Variants in AKR1E2 observed in about 807,000 individuals in gnomAD.
AKR1E2 encodes aldo-keto reductase family 1 member E2, also known as 1,5-anhydro-D-fructose reductase.
In AKR1E2, 43 loss-of-function variants were observed where a neutral mutation model predicts 41.9. The observed-to-expected ratio is 1.03, with a 90% CI of 0.80 to 1.32. The LOEUF (loss-of-function observed/expected upper bound fraction) is 1.32. Among genes scored for constraint, AKR1E2 ranks in the 40% most tolerant of loss-of-function variants. The pLI is 0.00. For missense variants in AKR1E2, 423 were observed against 396.5 expected, an observed-to-expected ratio of 1.07 and a Z score of -0.57; for synonymous variants, 121 against 138.9, an observed-to-expected ratio of 0.87 and a Z score of 0.91.
At chr10:4,846,925 C>T (rs1834378253) in intron 8 of AKR1E2, among the ~76,000 whole-genome samples, 1 of 152,144 alleles carries the variant, frequency 6.6e-6, no homozygotes. Flanking sequence ...CCAAGGCTTC[C>T]TAAATGTAGC....
intron 6 of AKR1E2, among the ~76,000 whole-genome samples, chr10:4,840,613 C>T (rs1833801727): frequency 6.6e-6 from 1 of 152,230 alleles, no homozygotes; most frequent in Non-Finnish European, 1.5e-5. Flanking sequence ...CATTCCTTCC[C>T]ATCCCTGTGA....
the AKR1E2 span, among the ~76,000 whole-genome samples, chr10:4,857,524 A>T: frequency 1.3e-5 from 2 of 152,160 alleles, no homozygotes; most frequent in Non-Finnish European, 2.9e-5. Context: ...AGATGCCAGC[A>T]TCATGCTTTC....
In AKR1E2 at chr10:4,845,313, G is replaced by A. The variant is rs557501864; in HGVS notation, c.838-1835G>A. Among the ~76,000 whole-genome samples, 7 of 152,188 alleles carry A rather than the reference G, an allele frequency of 4.6e-5. No individual in the cohort carries two copies. The South Asian group carries it at 6.2e-4, about 13-fold the overall frequency. On this transcript the variant is annotated intron_variant, in intron 8 of 9. Transcript: ENST00000298375. Reference sequence around the variant, plus strand: ...GGCGTCTCTCCCTCCACACCTCCCCGCAAGCTGAGGGAGCCGACTCCGGCC... The same window carrying A: ...GGCGTCTCTCCCTCCACACCTCCCCACAAGCTGAGGGAGCCGACTCCGGCC...
At chr10:4,843,143 CTG>C (rs1421922319) in intron 8 of AKR1E2, among the ~76,000 whole-genome samples, 5 of 152,186 alleles carry the variant, frequency 3.3e-5, no homozygotes, top group African/African-American at 7.2e-5. Flanking sequence ...TGAAGGAACT[CTG>C]TGTGGCTTCA....
Position 4,827,087 on chromosome 10 carries a change from A to AAAG in AKR1E2, c.39+726_39+727insGAA, listed in dbSNP as rs1554753005. Among the ~76,000 whole-genome samples, 10 of 150,368 alleles carry AAAG rather than the reference A, an allele frequency of 6.7e-5. No individual in the cohort carries two copies. In the South Asian group the frequency reaches 1.3e-3, roughly 19 times the overall value. On this transcript the variant is annotated intron_variant, in intron 1 of 9. Coordinates refer to ENST00000298375, the MANE Select transcript of AKR1E2 (RefSeq NM_001040177.3). ...CCAGACCTTGCTGGAAAAAAAAAAA[A>AAAG]AAAAAAGAAAAAAGGAAAATTGGAA...
rs147588436 is a variant in AKR1E2 at position 4,838,423 on chromosome 10, T to C, written c.582+842T>C. On this transcript the variant is annotated intron_variant, in intron 5 of 9. Transcript: ENST00000298375. ...ATTCTGTTTTGTGAATTAACCACAATTGAGTTATCCATTCTGCTGTTAATG... is the reference window on the plus strand; with the variant it reads ...ATTCTGTTTTGTGAATTAACCACAACTGAGTTATCCATTCTGCTGTTAATG... 9.0e-3 allele frequency among the ~76,000 whole-genome samples: 1,376 copies of C among 152,364 alleles called. 6 individuals carry two copies. Among genetic ancestry groups the C allele is most frequent in the Non-Finnish European group, 0.012 (789 of 68,036 alleles).
At chr10:4,850,352 A>C (rs978519288), downstream of AKR1E2, among the ~76,000 whole-genome samples, 3 of 152,218 alleles carry the variant, frequency 2.0e-5, no homozygotes, top group African/African-American at 7.2e-5. Context: ...TTTTATTTGA[A>C]TGGAAAATCC....
At chr10:4,842,632 TG>T in intron 8 of AKR1E2, 128 bp downstream of exon 8, 1 of 753,464 alleles carries the variant, frequency 1.3e-6, no homozygotes, top group Non-Finnish European at 2.2e-6. Flanking sequence ...CTCTGCACTG[TG>T]GGTGTTGGTG....
chr10:4,866,115 C>G, the AKR1E2 span, among the ~76,000 whole-genome samples: 1 of 152,258 alleles, frequency 6.6e-6, no homozygotes, highest in African/African-American at 2.4e-5. Context: ...TTTTCACTGT[C>G]CAGGCTAAAT....
At chr10:4,842,329 C>G (rs1457652140) in intron 7 of AKR1E2, 92 bp from the exon 8 acceptor site, 23 of 1,122,568 alleles carry the variant, frequency 2.0e-5, no homozygotes, top group Non-Finnish European at 1.2e-5. Context: ...TTCTTGGACT[C>G]TTACTGCATG....
chr10:4,836,164 A>T (rs1833400389), intron 4 of AKR1E2, among the ~76,000 whole-genome samples: 1 of 152,102 alleles, frequency 6.6e-6, no homozygotes, highest in Admixed American at 6.5e-5. Flanking sequence ...TTTTCCTGGC[A>T]CCCAGCAGTA....
chr10:4,845,060 T>C (rs1236852769), intron 8 of AKR1E2, among the ~76,000 whole-genome samples: 1 of 152,140 alleles, frequency 6.6e-6, no homozygotes, highest in African/African-American at 2.4e-5. Context: ...AGCCCTGCCC[T>C]GCGGGGAGGC....
At chr10:4,857,485 GT>G in the AKR1E2 span, among the ~76,000 whole-genome samples, 2 of 152,102 alleles carry the variant, frequency 1.3e-5, no homozygotes. Context: ...ATGATTGTAA[GT>G]TTCCTGAAGC....
chr10:4,834,844 G>A (rs1299216146), intron 3 of AKR1E2, among the ~76,000 whole-genome samples: 8 of 152,188 alleles, frequency 5.3e-5, no homozygotes, highest in African/African-American at 1.9e-4. Flanking sequence ...ATGTCTTCTG[G>A]CCAGTAGGAA....
At chr10:4,871,172 C>T in the AKR1E2 span, among the ~76,000 whole-genome samples, 1 of 152,026 alleles carries the variant, frequency 6.6e-6, no homozygotes, top group Admixed American at 6.6e-5. Context: ...TTTTCTAAAA[C>T]TTTCTAATTT....
At chr10:4,858,678 C>A in the AKR1E2 span, among the ~76,000 whole-genome samples, 1 of 152,128 alleles carries the variant, frequency 6.6e-6, no homozygotes, top group Admixed American at 6.5e-5. Context: ...TATGGTGTTT[C>A]AAGGTGGAAA....
intron 4 of AKR1E2, 50 bp downstream of exon 4, chr10:4,835,859 C>A: frequency 6.2e-7 from 1 of 1,604,928 alleles, no homozygotes; most frequent in Non-Finnish European, 8.5e-7. Flanking sequence ...GGGTCTCCAC[C>A]CAGGATGCAG....
At chr10:4,844,777 T>C (rs959961250) in intron 8 of AKR1E2, among the ~76,000 whole-genome samples, 7 of 152,238 alleles carry the variant, frequency 4.6e-5, no homozygotes, top group East Asian at 3.9e-4. Context: ...AGAGTGCCGA[T>C]TGGTGTATTT....
intron 7 of AKR1E2, among the ~76,000 whole-genome samples, chr10:4,842,216 T>C (rs1198607370): frequency 6.6e-6 from 1 of 152,224 alleles, no homozygotes; most frequent in Non-Finnish European, 1.5e-5. Context: ...GGAATTCTCA[T>C]TAAGCAGATT....
Sources: gnomAD v4.1 joint callset for allele counts (sites outside exome capture counted in the v4.1 genomes callset) on GRCh38, gnomAD v4.1.1 for gene constraint, MANE v1.5 for transcripts, NCBI Gene and HGNC (gene_info 2026-07-23, HGNC 2026-07-21) for gene names.